The following DGKG variants were observed in gnomAD, a reference collection of about 807,000 sequenced individuals.
DGKG encodes the protein DAG kinase gamma.
In DGKG, 78 loss-of-function variants were observed where a neutral mutation model predicts 105.3. That is an observed-to-expected ratio of 0.74 (90% CI 0.62 to 0.89). The LOEUF (loss-of-function observed/expected upper bound fraction) is 0.89. DGKG is among the 40% of genes least tolerant of loss of function. The pLI, the probability that DGKG is intolerant of heterozygous loss-of-function variation, is 0.00. For synonymous variants in DGKG, 346 were observed against 367.1 expected (o/e 0.94, Z 0.66); for missense variants, 958 against 1,020.1 (o/e 0.94, Z 0.83).
At chr3:186,355,260 A>ACTATCGTCAACTCCCCAC (rs1553826150) in intron 1 of DGKG, among the ~76,000 whole-genome samples, 6 of 151,536 alleles carry the variant, frequency 4.0e-5, no homozygotes, top group South Asian at 2.1e-4. Flanking sequence ...CACCAACACC[A>ACTATCGTCAACTCCCCAC]ACACCACTAC....
intron 22 of DGKG, among the ~76,000 whole-genome samples, chr3:186,186,303 C>A (rs927946546): frequency 1.3e-5 from 2 of 152,086 alleles, no homozygotes; most frequent in Non-Finnish European, 1.5e-5. Flanking sequence ...GGGATCACAT[C>A]CCACCTTAGC....
chr3:186,353,782 T>C (rs994797550), intron 1 of DGKG, among the ~76,000 whole-genome samples: 2 of 151,966 alleles, frequency 1.3e-5, no homozygotes, highest in Non-Finnish European at 2.9e-5. Flanking sequence ...ATGACTAGCA[T>C]GAAGTGGGTG....
chr3:186,161,078 C>T, intron 24 of DGKG: 1 of 986,840 alleles, frequency 1.0e-6, no homozygotes, highest in Non-Finnish European at 1.2e-6. Flanking sequence ...AGTAGGTTAT[C>T]AGGGCTTTGG....
rs1189081869 is a variant in DGKG, at chr3:186,302,509, T to C, written c.145-4280A>G. 2.6e-3 allele frequency among the ~76,000 whole-genome samples: 22 copies of C among 8,466 alleles called. No homozygotes were observed. The South Asian group carries it at 0.031, about 12-fold the overall frequency. The allele number at this position is 8,466 out of a possible 152,430, so 5.6% of individuals were successfully genotyped here. On this transcript the variant is annotated intron_variant, in intron 3 of 24. Transcript: ENST00000265022. ...ATATATATATATATATATATATACA[T>C]ATGTGTATATATATATATATATACA...
chr3:186,254,867 T>C (rs1418053195), intron 17 of DGKG, among the ~76,000 whole-genome samples: 1 of 152,188 alleles, frequency 6.6e-6, no homozygotes, highest in Non-Finnish European at 1.5e-5. Context: ...TGGCTCCTCA[T>C]GGCCCCATAG....
At chr3:186,336,887 A>G (rs921236704) in intron 1 of DGKG, among the ~76,000 whole-genome samples, 1 of 152,210 alleles carries the variant, frequency 6.6e-6, no homozygotes, top group African/African-American at 2.4e-5. Flanking sequence ...CACTTTCAAG[A>G]ACCTAGATAA....
chr3:186,177,931 T>C (rs952659910), intron 22 of DGKG, among the ~76,000 whole-genome samples: 15 of 151,742 alleles, frequency 9.9e-5, no homozygotes, highest in African/African-American at 3.7e-4. Flanking sequence ...AAGCCCTAAT[T>C]TCCAATATGA....
chr3:186,352,221 C>A (rs563070437), intron 1 of DGKG, among the ~76,000 whole-genome samples: 18 of 152,306 alleles, frequency 1.2e-4, no homozygotes, highest in Non-Finnish European at 8.8e-5. Context: ...CCCTGCTTGA[C>A]CATTCACCTG....
At chr3:186,295,659 A>AAAAAAAAAAAAAAAC (rs1723520988) in intron 5 of DGKG, among the ~76,000 whole-genome samples, 1 of 148,626 alleles carries the variant, frequency 6.7e-6, no homozygotes, top group African/African-American at 2.4e-5. Flanking sequence ...AAAAAAAAAA[A>AAAAAAAAAAAAAAAC]AGGTCTGACT....
intron 21 of DGKG, among the ~76,000 whole-genome samples, chr3:186,197,925 A>G (rs1184978868): frequency 1.3e-5 from 2 of 151,962 alleles, no homozygotes; most frequent in African/African-American, 2.4e-5. Context: ...CCTTCTCTGA[A>G]TTTTCACTGC....
chr3:186,317,657 A>G (rs1455842437), intron 2 of DGKG, among the ~76,000 whole-genome samples: 1 of 151,954 alleles, frequency 6.6e-6, no homozygotes, highest in African/African-American at 2.4e-5. Flanking sequence ...TCCCTGCCCT[A>G]CAGTTCCTGG....
rs761182822 is a variant in DGKG at position 186,150,135 on chromosome 3, C to T, written c.2331G>A (p.Lys777=). ...QAPMMMGPPQ[K]SSFFSLRRKS... ...TCCTTCTCAACGAGAAGAAGCTGCT[C>T]TTCTGGGGAGGCCCCATCATCATGG... Residue 777 remains lysine, a synonymous_variant, in exon 25 of 25, where the codon AAG becomes AAA. Coordinates refer to ENST00000265022, the MANE Select transcript of DGKG (RefSeq NM_001346.3). 6.2e-7 allele frequency: 1 copy of T among 1,613,724 alleles called. No homozygotes were observed. The highest frequency in any genetic ancestry group is 1.7e-5 in the Admixed American group (1 of 59,992).
At chr3:186,278,473 G>A (rs113156389) in intron 9 of DGKG, among the ~76,000 whole-genome samples, 16 of 152,210 alleles carry the variant, frequency 1.1e-4, no homozygotes, top group Non-Finnish European at 1.5e-4. Flanking sequence ...GTGCTAGTTC[G>A]GTGGATGTCC....
chr3:186,208,338 C>T (rs1301019897), intron 21 of DGKG, among the ~76,000 whole-genome samples: 1 of 151,758 alleles, frequency 6.6e-6, no homozygotes, highest in East Asian at 1.9e-4. Context: ...CACCGCGCCT[C>T]GCCACGCGAA....
intron 23 of DGKG, among the ~76,000 whole-genome samples, chr3:186,164,345 C>T (rs758575078): frequency 3.9e-5 from 6 of 152,226 alleles, no homozygotes; most frequent in Non-Finnish European, 8.8e-5. Flanking sequence ...GATTAGACTT[C>T]ATCTCTTCCA....
chr3:186,208,545 A>G (rs1335455681), intron 21 of DGKG, among the ~76,000 whole-genome samples: 1 of 152,118 alleles, frequency 6.6e-6, no homozygotes, highest in East Asian at 1.9e-4. Flanking sequence ...AGTTCCCTCA[A>G]CCGTAAAGTG....
chr3:186,278,319 G>A (rs1201560366), intron 9 of DGKG, among the ~76,000 whole-genome samples: 5 of 152,148 alleles, frequency 3.3e-5, no homozygotes, highest in Non-Finnish European at 5.9e-5. Context: ...ATAATCTTAA[G>A]TGAGTAAAGT....
intron 1 of DGKG, among the ~76,000 whole-genome samples, chr3:186,358,264 C>T (rs1371913495): frequency 1.3e-5 from 2 of 152,254 alleles, no homozygotes; most frequent in South Asian, 2.1e-4. Context: ...ATAGTGACTT[C>T]GCCATAGCGA....
At chr3:186,290,695 G>T (rs1243586029) in intron 5 of DGKG, among the ~76,000 whole-genome samples, 3 of 152,246 alleles carry the variant, frequency 2.0e-5, no homozygotes, top group South Asian at 2.1e-4. Context: ...TGGAGGTGAA[G>T]CTGGAATCTG....
Sources: gnomAD v4.1 joint callset for allele counts (sites outside exome capture counted in the v4.1 genomes callset) on GRCh38, gnomAD v4.1.1 for gene constraint, MANE v1.5 for transcripts, NCBI Gene and HGNC (gene_info 2026-07-23, HGNC 2026-07-21) for gene names.